Variants in SNX29 observed in about 807,000 individuals in gnomAD.
SNX29 encodes sorting nexin 29.
In SNX29, 78 loss-of-function variants were observed where a neutral mutation model predicts 102.1. The observed-to-expected ratio is 0.76, with a 90% CI of 0.64 to 0.92. SNX29 has a LOEUF of 0.92. Ranked by LOEUF, SNX29 falls within the 40% of genes least tolerant of loss-of-function variation. SNX29 has a pLI of 0.00. For missense variants in SNX29, 1,280 were observed against 1,061.7 expected, an observed-to-expected ratio of 1.21 and a Z score of -2.86; for synonymous variants, 580 against 414.5, an observed-to-expected ratio of 1.40 and a Z score of -4.85.
At chr16:12,435,476 A>G (rs1466850935) in intron 18 of SNX29, among the ~76,000 whole-genome samples, 1 of 152,190 alleles carries the variant, frequency 6.6e-6, no homozygotes, top group Non-Finnish European at 1.5e-5. Flanking sequence ...CGAGGCTCTG[A>G]GAACCTGCCC....
chr16:12,016,007 G>A (rs1423942300), intron 3 of SNX29, among the ~76,000 whole-genome samples: 3 of 149,366 alleles, frequency 2.0e-5, no homozygotes, highest in Admixed American at 2.0e-4. Context: ...TGGGATTACA[G>A]GCGCCCGCCA....
chr16:12,432,947 G>A (rs1277315720), intron 18 of SNX29, among the ~76,000 whole-genome samples: 2 of 152,224 alleles, frequency 1.3e-5, no homozygotes, highest in Non-Finnish European at 2.9e-5. Flanking sequence ...CTGGTGCATG[G>A]GGTAGTGTGA....
intron 16 of SNX29, among the ~76,000 whole-genome samples, chr16:12,364,852 C>T (rs998761266): frequency 6.6e-6 from 1 of 152,188 alleles, no homozygotes; most frequent in East Asian, 1.9e-4. Context: ...TGACTCCAAG[C>T]ATCCATGCTG....
chr16:12,266,830 C>G lies in SNX29; in HGVS notation c.1679-11103C>G, dbSNP rs926051371. Among the ~76,000 whole-genome samples, 4 of 152,122 alleles carry G rather than the reference C, an allele frequency of 2.6e-5. No individual in the cohort carries two copies. In the East Asian group the frequency reaches 7.7e-4, roughly 29 times the overall value. On this transcript the variant is annotated intron_variant, in intron 14 of 20. Coordinates refer to ENST00000566228, the MANE Select transcript of SNX29 (RefSeq NM_032167.5). ...CCAGGCTGAAGTGCAGTGGCACAAT[C>G]TCAGCTCACTCCAACCTCTGCCCCC...
intron 14 of SNX29, among the ~76,000 whole-genome samples, chr16:12,265,707 A>C (rs1278904994): frequency 1.9e-4 from 27 of 144,218 alleles, no homozygotes; most frequent in Non-Finnish European, 2.2e-4. Context: ...CCAAAAAAAA[A>C]AAAAAAAAAA....
Position 12,572,279 on chromosome 16 carries a change from C to G in SNX29, c.*3650C>G, listed in dbSNP as rs1567230965. On this transcript the variant is annotated 3_prime_UTR_variant, in exon 21 of 21. Transcript: ENST00000566228. ...CCATGGCTGTAGCTGATGCAACTAA[C>G]AAGTACTGGGGCCAGTGATCACAAT... 3 of 1,057,076 alleles carry G rather than the reference C, an allele frequency of 2.8e-6. No homozygotes were observed. The highest frequency in any genetic ancestry group is 3.4e-6 in the Non-Finnish European group (3 of 876,392). 65.5% of individuals were successfully genotyped at this position (1,057,076 alleles called of 1,614,324 possible). A position where few individuals can be genotyped will look rare whatever the true frequency, so the allele number is the denominator to read the frequency against.
At chr16:12,075,162 C>T (rs904303426) in intron 10 of SNX29, among the ~76,000 whole-genome samples, 45 of 152,234 alleles carry the variant, frequency 3.0e-4, no homozygotes, top group Admixed American at 2.9e-3. Context: ...CTTCTCTCAA[C>T]TCGTCAAAGT....
At chr16:12,448,912 C>T (rs753042411) in intron 18 of SNX29, among the ~76,000 whole-genome samples, 18 of 152,186 alleles carry the variant, frequency 1.2e-4, no homozygotes, top group Non-Finnish European at 2.5e-4. Flanking sequence ...ATTCACTAGG[C>T]TCTACCCATA....
intron 14 of SNX29, among the ~76,000 whole-genome samples, chr16:12,243,034 G>A (rs888393133): frequency 2.6e-5 from 4 of 152,178 alleles, no homozygotes; most frequent in African/African-American, 9.7e-5. Flanking sequence ...AGGCTCCTGG[G>A]GAGTGGCAGT....
intron 15 of SNX29, among the ~76,000 whole-genome samples, chr16:12,296,759 G>C (rs1449690344): frequency 6.6e-6 from 1 of 152,228 alleles, no homozygotes. Context: ...CCAGGCAATA[G>C]ATACATTTAC....
At chr16:12,446,087 G>A (rs1022747755) in intron 18 of SNX29, among the ~76,000 whole-genome samples, 3 of 127,818 alleles carry the variant, frequency 2.3e-5, no homozygotes, top group Non-Finnish European at 4.7e-5. Flanking sequence ...ACAGAGCCTT[G>A]CTGTGTTGCC....
intron 15 of SNX29, among the ~76,000 whole-genome samples, chr16:12,284,789 A>C (rs539184873): frequency 2.0e-5 from 3 of 151,874 alleles, no homozygotes; most frequent in Non-Finnish European, 4.4e-5. Context: ...CAATGGCACA[A>C]TCTCAGCTCA....
chr16:12,403,414 C>T, intron 17 of SNX29, 34 bp from the exon 18 acceptor site: 1 of 1,558,532 alleles, frequency 6.4e-7, no homozygotes, highest in Non-Finnish European at 8.7e-7. Context: ...GTTAAAATGT[C>T]TAATGTTGGT....
chr16:12,027,262 C>T lies in SNX29; in HGVS notation c.123-58C>T, dbSNP rs544811452. 4.8e-5 allele frequency: 77 copies of T among 1,601,674 alleles called. 1 individual carries two copies. In the Admixed American group the frequency reaches 9.8e-4, roughly 20 times the overall value. On this transcript the variant is annotated intron_variant, in intron 3 of 20. Coordinates refer to ENST00000566228, the MANE Select transcript of SNX29 (RefSeq NM_032167.5). ...ACTCACTTCCTGGAGATGCTGGGGC[C>T]GCCCTAGTTGCTACTCCCTTTTCTG...
At chr16:12,138,294 G>A (rs1481183556) in intron 13 of SNX29, among the ~76,000 whole-genome samples, 12 of 143,674 alleles carry the variant, frequency 8.4e-5, no homozygotes, top group African/African-American at 2.9e-4. Flanking sequence ...TGCAACCTCC[G>A]CTTCCCAGGT....
chr16:12,372,423 T>C (rs568668530), intron 16 of SNX29: 1 of 152,318 alleles, frequency 6.6e-6, no homozygotes, highest in Non-Finnish European at 1.5e-5. Flanking sequence ...TCTAATCTTA[T>C]GTTGTTCTTT....
intron 15 of SNX29, among the ~76,000 whole-genome samples, chr16:12,333,770 T>C (rs28472378): frequency 0.063 from 9,533 of 152,232 alleles, 664 homozygotes; most frequent in African/African-American, 0.17. Flanking sequence ...AGAGCCTATG[T>C]CCTGGGGACT....
At chr16:12,332,151 T>C (rs1048902210) in intron 15 of SNX29, among the ~76,000 whole-genome samples, 2 of 152,158 alleles carry the variant, frequency 1.3e-5, no homozygotes, top group African/African-American at 4.8e-5. Context: ...ATTACTATTA[T>C]CCTCATCCTA....
intron 19 of SNX29, among the ~76,000 whole-genome samples, chr16:12,508,605 C>T (rs2089477375): frequency 6.6e-6 from 1 of 152,240 alleles, no homozygotes; most frequent in Non-Finnish European, 1.5e-5. Flanking sequence ...CGAGCTCCTG[C>T]TCTCAAAGGG....
Sources: allele counts gnomAD v4.1 joint callset (sites outside exome capture counted in the v4.1 genomes callset), GRCh38; gene constraint gnomAD v4.1.1; transcripts MANE v1.5; gene names NCBI Gene and HGNC (gene_info 2026-07-23, HGNC 2026-07-21).